The following MBNL2 variants were observed in gnomAD, a reference collection of about 807,000 sequenced individuals.
The protein encoded by MBNL2 is muscleblind like splicing regulator 2.
A neutral mutation model predicts 41.9 loss-of-function variants in MBNL2; 17 were observed. The ratio of observed to expected loss-of-function variants is 0.41; its 90% CI spans 0.28 to 0.61. MBNL2 has a LOEUF of 0.61. MBNL2 is among the 20% of genes least tolerant of loss of function. The pLI is 0.35. For missense variants in MBNL2, 336 were observed against 505.6 expected, an observed-to-expected ratio of 0.66 and a Z score of 3.22; for synonymous variants, 195 against 182.9, an observed-to-expected ratio of 1.07 and a Z score of -0.53.
chr13:97,303,403 A>G (rs1169691802), intron 2 of MBNL2, among the ~76,000 whole-genome samples: 1 of 152,114 alleles, frequency 6.6e-6, no homozygotes, highest in Non-Finnish European at 1.5e-5. Flanking sequence ...GGACCAGCAA[A>G]ATCATGGAGA....
chr13:97,204,436 A>C, the MBNL2 span, among the ~76,000 whole-genome samples: 2 of 152,330 alleles, frequency 1.3e-5, no homozygotes, highest in South Asian at 4.1e-4. Flanking sequence ...ATTCAAAAGA[A>C]GACAATTTTG....
At chr13:97,177,906 A>G in the MBNL2 span, among the ~76,000 whole-genome samples, 1 of 152,218 alleles carries the variant, frequency 6.6e-6, no homozygotes, top group Admixed American at 6.5e-5. Context: ...ATGATTTTCC[A>G]CCTAGAATTC....
intron 3 of MBNL2, among the ~76,000 whole-genome samples, chr13:97,336,130 C>T (rs1278390673): frequency 6.6e-6 from 1 of 152,120 alleles, no homozygotes; most frequent in Non-Finnish European, 1.5e-5. Context: ...ATTAGTTGAA[C>T]TTTTTTTGAA....
At chr13:97,163,205 C>G in the MBNL2 span, among the ~76,000 whole-genome samples, 1 of 152,188 alleles carries the variant, frequency 6.6e-6, no homozygotes, top group Non-Finnish European at 1.5e-5. Flanking sequence ...TCTGACTCCA[C>G]TCTTCCTTTC....
chr13:97,375,068 T>C (rs930968561), intron 8 of MBNL2, among the ~76,000 whole-genome samples: 2 of 149,484 alleles, frequency 1.3e-5, no homozygotes, highest in South Asian at 2.1e-4. Flanking sequence ...TTTGGGGAAG[T>C]TGACAGCTTT....
At chr13:97,215,072 G>A in the MBNL2 span, among the ~76,000 whole-genome samples, 8 of 152,304 alleles carry the variant, frequency 5.3e-5, no homozygotes, top group South Asian at 2.1e-4. Flanking sequence ...CATAGGCTTC[G>A]CCCCCATCTC....
At chr13:97,323,044 G>C (rs180784327) in intron 2 of MBNL2, among the ~76,000 whole-genome samples, 44 of 152,222 alleles carry the variant, frequency 2.9e-4, no homozygotes, top group African/African-American at 9.4e-4. Flanking sequence ...CACTAAACAG[G>C]CTTGGGACAG....
chr13:97,361,756 TA>T (rs1306796774), intron 7 of MBNL2, among the ~76,000 whole-genome samples: 5 of 130,444 alleles, frequency 3.8e-5, no homozygotes, highest in Admixed American at 8.8e-5. Flanking sequence ...TTTATAGGCG[TA>T]ATTTTTTTTT....
upstream of MBNL2, among the ~76,000 whole-genome samples, chr13:97,218,509 T>C (rs1264891356): frequency 6.7e-6 from 1 of 150,342 alleles, no homozygotes; most frequent in East Asian, 2.0e-4. Context: ...TTTATCAAAC[T>C]GTACAAGACA....
At chr13:97,157,172 C>G in the MBNL2 span, among the ~76,000 whole-genome samples, 542 of 146,948 alleles carry the variant, frequency 3.7e-3, 1 homozygote, top group Admixed American at 7.7e-3. Flanking sequence ...AATGGGAGTT[C>G]ACTCATGATT....
At chr13:97,219,004 G>C (rs562994826), upstream of MBNL2, among the ~76,000 whole-genome samples, 1 of 152,092 alleles carries the variant, frequency 6.6e-6, no homozygotes, top group Middle Eastern at 3.4e-3. Flanking sequence ...ACCATCCCCT[G>C]TAATAAGTGC....
At chr13:97,344,739 G>A (rs1276320151) in intron 4 of MBNL2, among the ~76,000 whole-genome samples, 1 of 152,188 alleles carries the variant, frequency 6.6e-6, no homozygotes, top group Non-Finnish European at 1.5e-5. Context: ...CTGGACCCAC[G>A]GAGCTTTTGT....
intron 5 of MBNL2, among the ~76,000 whole-genome samples, chr13:97,348,933 C>T (rs1424441688): frequency 6.6e-6 from 1 of 152,168 alleles, no homozygotes; most frequent in East Asian, 1.9e-4. Flanking sequence ...AGAAAGGCAC[C>T]ATCTGCCCTG....
chr13:97,241,548 G>A (rs750843752), intron 1 of MBNL2, among the ~76,000 whole-genome samples: 1 of 152,188 alleles, frequency 6.6e-6, no homozygotes, highest in Non-Finnish European at 1.5e-5. Context: ...TTTTCAAAAG[G>A]CTTAGTCCTT....
the MBNL2 span, among the ~76,000 whole-genome samples, chr13:97,146,571 G>A: frequency 4.6e-5 from 7 of 152,194 alleles, no homozygotes; most frequent in African/African-American, 1.7e-4. Context: ...TGTATGGAAG[G>A]AAGGACCTTA....
At chr13:97,283,006 CT>C (rs1294193361) in intron 2 of MBNL2, among the ~76,000 whole-genome samples, 1 of 152,216 alleles carries the variant, frequency 6.6e-6, no homozygotes, top group Non-Finnish European at 1.5e-5. Flanking sequence ...CAAAACCTTC[CT>C]TTTATGTCGT....
In MBNL2 at chr13:97,365,135, G is replaced by C. The variant is rs2063749760; in HGVS notation, c.1013-1G>C. On this transcript the variant is annotated splice_acceptor_variant, in intron 7 of 8. Coordinates refer to ENST00000679496, the MANE Select transcript of MBNL2 (RefSeq NM_001382683.1). LOFTEE classifies it high-confidence loss of function. ...TTCCACCCACCATTGCATGACATCA[G>C]GGTCAGTTTTGTGCATGACACCCGC... The C allele has an allele frequency of 6.2e-7, 1 of 1,603,134 alleles. No homozygotes were observed.
chr13:97,161,641 A>T, the MBNL2 span, among the ~76,000 whole-genome samples: 1 of 152,208 alleles, frequency 6.6e-6, no homozygotes, highest in African/African-American at 2.4e-5. Flanking sequence ...GGAAGTGTCA[A>T]AAATACATAT....
chr13:97,327,584 G>C (rs1874480), intron 2 of MBNL2, among the ~76,000 whole-genome samples: 37,348 of 101,094 alleles, frequency 0.37, 5,419 homozygotes, highest in Middle Eastern at 0.44. Context: ...AAAAAAAAAA[G>C]TTCATATAAC....
Sources: allele counts gnomAD v4.1 joint callset (sites outside exome capture counted in the v4.1 genomes callset), GRCh38; gene constraint gnomAD v4.1.1; transcripts MANE v1.5; gene names NCBI Gene and HGNC (gene_info 2026-07-23, HGNC 2026-07-21).